Variants in MAP2 observed in about 807,000 individuals in gnomAD.
MAP2 encodes microtubule associated protein 2.
Under a neutral mutation model 137.6 loss-of-function variants are expected in MAP2, and 14 were observed. The ratio of observed to expected loss-of-function variants is 0.10; its 90% confidence interval spans 0.07 to 0.16. MAP2 has a LOEUF of 0.16. Ranked by LOEUF, MAP2 falls within the 10% of genes least tolerant of loss-of-function variation. The probability of loss-of-function intolerance (pLI) is 1.00; values close to 1 mark genes in which losing one functional copy is unlikely to be tolerated. For missense variants in MAP2, 2,088 were observed against 2,191.5 expected, an observed-to-expected ratio of 0.95 and a Z score of 0.94; for synonymous variants, 786 against 782.3, an observed-to-expected ratio of 1.00 and a Z score of -0.08.
intron 5 of MAP2, among the ~76,000 whole-genome samples, chr2:209,670,660 G>A (rs1193841050): frequency 6.6e-6 from 1 of 151,710 alleles, no homozygotes; most frequent in Non-Finnish European, 1.5e-5. Flanking sequence ...GAGCATGTAC[G>A]TGGAGGTAGA....
At chr2:209,450,411 A>T (rs923808036) in intron 1 of MAP2, among the ~76,000 whole-genome samples, 39 of 152,192 alleles carry the variant, frequency 2.6e-4, no homozygotes, top group African/African-American at 8.9e-4. Context: ...GTGGCTTTTG[A>T]CTTATAGGCC....
chr2:209,659,888 A>C (rs2042599915), intron 5 of MAP2, among the ~76,000 whole-genome samples: 1 of 152,074 alleles, frequency 6.6e-6, no homozygotes, highest in Non-Finnish European at 1.5e-5. Flanking sequence ...AATAGAAAAA[A>C]TTAGCCGGGC....
At chr2:209,641,317 G>GT (rs1340640344) in intron 4 of MAP2, among the ~76,000 whole-genome samples, 3 of 152,016 alleles carry the variant, frequency 2.0e-5, no homozygotes, top group African/African-American at 7.2e-5. Flanking sequence ...ACTGGAAAAA[G>GT]TTTAAAACAA....
chr2:209,653,128 T>G lies in MAP2; in HGVS notation c.-29-14T>G, dbSNP rs1559487754. On this transcript the variant is annotated splice_polypyrimidine_tract_variant and intron_variant, in intron 4 of 15. Coordinates refer to ENST00000682079, the MANE Select transcript of MAP2 (RefSeq NM_001375505.1). ...ATTTCCCCAAAGTAATAGCTACTAT[T>G]TTTTCTCTTTCAGTTGCAGGAGAAA... 1 of 1,535,128 alleles carries G rather than the reference T, an allele frequency of 6.5e-7. No individual in the cohort carries two copies. Among genetic ancestry groups the G allele is most frequent in the Non-Finnish European group, 8.7e-7 (1 of 1,142,960 alleles).
intron 1 of MAP2, among the ~76,000 whole-genome samples, chr2:209,488,236 G>A (rs1043761570): frequency 4.6e-5 from 7 of 152,316 alleles, no homozygotes; most frequent in African/African-American, 1.7e-4. Flanking sequence ...TGCCGTGAGA[G>A]ACGGAGCTAT....
intron 4 of MAP2, among the ~76,000 whole-genome samples, chr2:209,628,917 T>A (rs1483533494): frequency 6.6e-6 from 1 of 152,152 alleles, no homozygotes; most frequent in Non-Finnish European, 1.5e-5. Flanking sequence ...GCACACAGAG[T>A]ACCTTTAATG....
chr2:209,691,484 C>A (rs1018363063), intron 7 of MAP2, among the ~76,000 whole-genome samples: 1 of 151,958 alleles, frequency 6.6e-6, no homozygotes, highest in Admixed American at 6.6e-5. Flanking sequence ...TCTATTGTTA[C>A]AACAGGACAC....
At chr2:209,721,416 A>C (rs943700671) in intron 13 of MAP2, among the ~76,000 whole-genome samples, 2 of 152,228 alleles carry the variant, frequency 1.3e-5, no homozygotes, top group African/African-American at 4.8e-5. Context: ...TCATATTACA[A>C]GTTGAGCAGA....
At chr2:209,579,125 A>G (rs2075824006) in intron 2 of MAP2, among the ~76,000 whole-genome samples, 1 of 152,222 alleles carries the variant, frequency 6.6e-6, no homozygotes, top group Admixed American at 6.5e-5. Flanking sequence ...ATGACAAAAC[A>G]TCAACAAATC....
chr2:209,434,945 GT>G (rs1319626597), intron 1 of MAP2, among the ~76,000 whole-genome samples: 1 of 136,970 alleles, frequency 7.3e-6, no homozygotes, highest in Non-Finnish European at 1.6e-5. Flanking sequence ...ATATATATGT[GT>G]TTTATATATA....
chr2:209,644,226 G>A (rs1399160448), intron 4 of MAP2, among the ~76,000 whole-genome samples: 1 of 152,154 alleles, frequency 6.6e-6, no homozygotes, highest in Non-Finnish European at 1.5e-5. Context: ...ATGGATTGAA[G>A]TAGTTTATCT....
intron 1 of MAP2, among the ~76,000 whole-genome samples, chr2:209,431,816 C>A (rs972125887): frequency 6.6e-6 from 1 of 152,142 alleles, no homozygotes; most frequent in African/African-American, 2.4e-5. Flanking sequence ...CTGTGACTTT[C>A]ACATGGATAT....
At chr2:209,606,566 T>C (rs901591573) in intron 3 of MAP2, among the ~76,000 whole-genome samples, 1 of 151,996 alleles carries the variant, frequency 6.6e-6, no homozygotes, top group Non-Finnish European at 1.5e-5. Flanking sequence ...AAAAATAGAG[T>C]AGATTCATTC....
At position 209,652,744 on chromosome 2, in the gene MAP2, A is replaced by G. The variant is rs891940715; in HGVS notation, c.-29-398A>G. 5.3e-5 allele frequency among the ~76,000 whole-genome samples: 8 copies of G among 152,178 alleles called. 1 individual carries two copies. The highest frequency in any genetic ancestry group is 9.6e-5 in the African/African-American group (4 of 41,460). On this transcript the variant is annotated intron_variant, in intron 4 of 15. Coordinates refer to ENST00000682079, the MANE Select transcript of MAP2 (RefSeq NM_001375505.1). Reference sequence around the variant, plus strand: ...TTTTCTCATACTGCAGATTTTCCCTATGCTGAAGGATTCCTTGACTCTACC... The same window carrying G: ...TTTTCTCATACTGCAGATTTTCCCTGTGCTGAAGGATTCCTTGACTCTACC...
chr2:209,697,522 T>C (rs982331339), intron 10 of MAP2, among the ~76,000 whole-genome samples: 1 of 152,082 alleles, frequency 6.6e-6, no homozygotes, highest in East Asian at 1.9e-4. Context: ...ATTTAGATAC[T>C]GAAAATGAAA....
intron 13 of MAP2, among the ~76,000 whole-genome samples, chr2:209,719,807 A>T (rs1311968769): frequency 6.6e-6 from 1 of 152,244 alleles, no homozygotes; most frequent in East Asian, 1.9e-4. Context: ...TTTTAATGTC[A>T]TTAACCTATG....
chr2:209,578,588 G>C (rs1482605084), intron 2 of MAP2, among the ~76,000 whole-genome samples: 1 of 151,402 alleles, frequency 6.6e-6, no homozygotes, highest in Non-Finnish European at 1.5e-5. Flanking sequence ...GGTTCTCATC[G>C]AATTTTGCTC....
intron 2 of MAP2, among the ~76,000 whole-genome samples, chr2:209,531,837 T>G (rs1376879584): frequency 1.3e-5 from 2 of 152,192 alleles, no homozygotes; most frequent in Non-Finnish European, 2.9e-5. Context: ...GCAACCAATC[T>G]TAGACTCCTA....
chr2:209,660,308 G>A (rs920812099), intron 5 of MAP2, among the ~76,000 whole-genome samples: 1 of 151,422 alleles, frequency 6.6e-6, no homozygotes, highest in African/African-American at 2.4e-5. Flanking sequence ...ATAAAATCTG[G>A]CCCTATACTA....
Sources: gnomAD v4.1 joint callset for allele counts (sites outside exome capture counted in the v4.1 genomes callset) on GRCh38, gnomAD v4.1.1 for gene constraint, MANE v1.5 for transcripts, NCBI Gene and HGNC (gene_info 2026-07-23, HGNC 2026-07-21) for gene names.